RPS6KC1: variants seen among roughly 807,000 people sequenced by gnomAD.
RPS6KC1 encodes the protein ribosomal protein S6 kinase C1.
RPS6KC1 carries 54 observed loss-of-function variants against 103.8 expected under a neutral mutation model. The observed-to-expected ratio is 0.52, with a 90% CI of 0.42 to 0.65. RPS6KC1 has a LOEUF of 0.65. Ranked by LOEUF, RPS6KC1 falls within the 30% of genes least tolerant of loss-of-function variation. The probability of loss-of-function intolerance (pLI) is 0.00; values close to 1 mark genes in which losing one functional copy is unlikely to be tolerated. For missense variants in RPS6KC1, 1,151 were observed against 1,253.8 expected (o/e 0.92, Z 1.24); for synonymous variants, 439 against 438.7 (o/e 1.00, Z -0.01).
the RPS6KC1 span, chr1:213,731,700 G>T: frequency 6.6e-6 from 1 of 152,082 alleles, no homozygotes; most frequent in African/African-American, 2.4e-5. Context: ...CCAAAAATAT[G>T]TGCATCTATT....
the RPS6KC1 span, among the ~76,000 whole-genome samples, chr1:213,359,324 C>T: frequency 2.6e-5 from 4 of 152,120 alleles, no homozygotes; most frequent in Non-Finnish European, 5.9e-5. Context: ...CCTTCTTTGT[C>T]TCTTTTGATC....
intron 2 of RPS6KC1, among the ~76,000 whole-genome samples, chr1:213,076,253 T>C (rs1248689281): frequency 6.6e-6 from 1 of 152,200 alleles, no homozygotes; most frequent in African/African-American, 2.4e-5. Context: ...ATAGTCTGCC[T>C]AGCCTCCTAG....
the RPS6KC1 span, among the ~76,000 whole-genome samples, chr1:213,796,179 C>G: frequency 1.3e-5 from 2 of 152,324 alleles, 1 homozygote; most frequent in South Asian, 4.1e-4. Context: ...TGTTCAGTAA[C>G]CCAATATTAT....
At chr1:213,114,924 G>A (rs1393980695) in intron 4 of RPS6KC1, among the ~76,000 whole-genome samples, 1 of 152,142 alleles carries the variant, frequency 6.6e-6, no homozygotes, top group African/African-American at 2.4e-5. Context: ...TGGTGGATAA[G>A]CTTTTTGATG....
the RPS6KC1 span, among the ~76,000 whole-genome samples, chr1:213,371,378 A>G: frequency 1.3e-5 from 2 of 152,244 alleles, no homozygotes; most frequent in East Asian, 3.9e-4. Flanking sequence ...GGCAGCTTCC[A>G]TCTTTTGGCT....
chr1:213,099,575 A>G (rs901509611), intron 3 of RPS6KC1, among the ~76,000 whole-genome samples: 1 of 152,204 alleles, frequency 6.6e-6, no homozygotes, highest in African/African-American at 2.4e-5. Flanking sequence ...ATGTGTGACA[A>G]ACATATACCT....
the RPS6KC1 span, among the ~76,000 whole-genome samples, chr1:213,752,009 C>T: frequency 6.6e-6 from 1 of 152,072 alleles, no homozygotes; most frequent in African/African-American, 2.4e-5. Context: ...TTTATGATCT[C>T]TAAAATTAGG....
At chr1:213,826,928 A>G in the RPS6KC1 span, among the ~76,000 whole-genome samples, 1 of 152,052 alleles carries the variant, frequency 6.6e-6, no homozygotes, top group Non-Finnish European at 1.5e-5. Context: ...ACATTGCTAC[A>G]CTCTGCTGCT....
intron 6 of RPS6KC1, among the ~76,000 whole-genome samples, chr1:213,141,163 T>C (rs1235098961): frequency 1.3e-5 from 2 of 152,058 alleles, no homozygotes; most frequent in Admixed American, 1.3e-4. Flanking sequence ...TCCCAAAGTG[T>C]TGGGATTACA....
At chr1:213,109,188 G>A (rs557968031) in intron 4 of RPS6KC1, among the ~76,000 whole-genome samples, 1 of 152,308 alleles carries the variant, frequency 6.6e-6, no homozygotes, top group East Asian at 1.9e-4. Flanking sequence ...CCAGGCTGGA[G>A]TGCAGTGGTG....
At chr1:213,615,495 C>T in the RPS6KC1 span, among the ~76,000 whole-genome samples, 4 of 152,372 alleles carry the variant, frequency 2.6e-5, no homozygotes, top group African/African-American at 4.8e-5. Flanking sequence ...CTCCTCTGCC[C>T]GACATGCCTT....
At chr1:213,481,935 C>G in the RPS6KC1 span, among the ~76,000 whole-genome samples, 1 of 152,066 alleles carries the variant, frequency 6.6e-6, no homozygotes, top group African/African-American at 2.4e-5. Flanking sequence ...GTGGTGCTGT[C>G]CTTGTGATGG....
At chr1:213,704,954 T>C in the RPS6KC1 span, among the ~76,000 whole-genome samples, 3 of 152,254 alleles carry the variant, frequency 2.0e-5, no homozygotes, top group Admixed American at 2.0e-4. Flanking sequence ...TCTCTTCTTT[T>C]AGATTCTCCT....
At chr1:213,822,913 C>T in the RPS6KC1 span, among the ~76,000 whole-genome samples, 1 of 152,278 alleles carries the variant, frequency 6.6e-6, no homozygotes, top group East Asian at 1.9e-4. Flanking sequence ...ACTATCTTTA[C>T]AGCAGTCAGA....
At chr1:213,438,917 C>A in the RPS6KC1 span, among the ~76,000 whole-genome samples, 1 of 151,902 alleles carries the variant, frequency 6.6e-6, no homozygotes, top group Admixed American at 6.6e-5. Flanking sequence ...CCTCAGCCTC[C>A]CGAGTAGCTG....
chr1:213,834,978 C>T, the RPS6KC1 span, among the ~76,000 whole-genome samples: 3 of 151,948 alleles, frequency 2.0e-5, no homozygotes, highest in South Asian at 2.1e-4. Context: ...AGATAATAGA[C>T]GAGCAAATGA....
the RPS6KC1 span, among the ~76,000 whole-genome samples, chr1:213,349,322 C>G: frequency 6.6e-6 from 1 of 152,132 alleles, no homozygotes; most frequent in Admixed American, 6.5e-5. Flanking sequence ...CTGCCTATAC[C>G]CTATCCACTG....
the RPS6KC1 span, among the ~76,000 whole-genome samples, chr1:213,655,688 G>C: frequency 6.6e-6 from 1 of 152,084 alleles, no homozygotes; most frequent in African/African-American, 2.4e-5. Context: ...TTTTCTGGTG[G>C]AGAACCCTCA....
At chr1:213,768,565 A>G in the RPS6KC1 span, among the ~76,000 whole-genome samples, 1 of 152,244 alleles carries the variant, frequency 6.6e-6, no homozygotes, top group Non-Finnish European at 1.5e-5. Flanking sequence ...GTTCCTTCAC[A>G]GCAACTTTTA....
Sources: allele counts gnomAD v4.1 joint callset (sites outside exome capture counted in the v4.1 genomes callset), GRCh38; gene constraint gnomAD v4.1.1; transcripts MANE v1.5; gene names NCBI Gene and HGNC (gene_info 2026-07-23, HGNC 2026-07-21).